The following AMD1 variants were observed in gnomAD, a reference collection of about 807,000 sequenced individuals.
AMD1 encodes the protein adenosylmethionine decarboxylase 1, also known as S-adenosylmethionine decarboxylase proenzyme.
AMD1 carries 11 observed loss-of-function variants against 40.2 expected under a neutral mutation model. The ratio of observed to expected loss-of-function variants is 0.27; its 90% CI spans 0.17 to 0.45. The LOEUF (loss-of-function observed/expected upper bound fraction) is 0.45. Among genes scored for constraint, AMD1 ranks in the 20% least tolerant of loss-of-function variants. The probability of loss-of-function intolerance (pLI) is 1.00; values close to 1 mark genes in which losing one functional copy is unlikely to be tolerated. For synonymous variants in AMD1, 121 were observed against 130.8 expected, an observed-to-expected ratio of 0.93 and a Z score of 0.51; for missense variants, 257 against 410.2, an observed-to-expected ratio of 0.63 and a Z score of 3.23.
At chr6:110,852,300 C>T in the AMD1 span, among the ~76,000 whole-genome samples, 1 of 143,250 alleles carries the variant, frequency 7.0e-6, no homozygotes, top group Non-Finnish European at 1.5e-5. Flanking sequence ...TGGCTCACTG[C>T]AACCTCTGCC....
chr6:110,835,526 T>C, the AMD1 span, among the ~76,000 whole-genome samples: 1 of 152,132 alleles, frequency 6.6e-6, no homozygotes, highest in Non-Finnish European at 1.5e-5. Context: ...AAATATTGTG[T>C]TTCACTGAGT....
the AMD1 span, chr6:110,864,545 T>C: frequency 6.6e-6 from 1 of 152,288 alleles, no homozygotes; most frequent in Non-Finnish European, 1.5e-5. Context: ...AACTCAGTAA[T>C]TGAATTTGTA....
At chr6:110,858,318 AC>A in the AMD1 span, 964 of 744,156 alleles carry the variant, frequency 1.3e-3, no homozygotes, top group African/African-American at 3.4e-3. Flanking sequence ...TGCAAATATG[AC>A]CCCCAGAAGG....
At chr6:110,878,899 C>G (rs1003348213) in intron 1 of AMD1, among the ~76,000 whole-genome samples, 1 of 152,164 alleles carries the variant, frequency 6.6e-6, no homozygotes, top group Non-Finnish European at 1.5e-5. Context: ...TTTCCCCAAA[C>G]TCATGACTTA....
At chr6:110,891,339 TGAA>T (rs1249399051) in intron 4 of AMD1, 1 of 152,252 alleles carries the variant, frequency 6.6e-6, no homozygotes, top group African/African-American at 2.4e-5. Flanking sequence ...TTTGACAATA[TGAA>T]GAAGGATATG....
At chr6:110,851,674 C>T in the AMD1 span, among the ~76,000 whole-genome samples, 10 of 152,168 alleles carry the variant, frequency 6.6e-5, no homozygotes, top group African/African-American at 2.4e-4. Context: ...GTTGGTCAGG[C>T]TGGTCTCAAA....
chr6:110,884,209 T>G (rs1785565050), intron 1 of AMD1, among the ~76,000 whole-genome samples: 1 of 152,210 alleles, frequency 6.6e-6, no homozygotes, highest in Admixed American at 6.5e-5. Flanking sequence ...CTAGAAACAT[T>G]GAGTAAAAAC....
the AMD1 span, among the ~76,000 whole-genome samples, chr6:110,833,028 C>T: frequency 6.6e-6 from 1 of 152,152 alleles, no homozygotes; most frequent in East Asian, 1.9e-4. Context: ...GCCATGTTGG[C>T]CAGGCTGGTC....
the AMD1 span, among the ~76,000 whole-genome samples, chr6:110,863,166 C>T: frequency 1.3e-4 from 20 of 151,100 alleles, no homozygotes; most frequent in African/African-American, 4.9e-4. Context: ...AGGATGATCT[C>T]GATCTCCTGA....
the AMD1 span, among the ~76,000 whole-genome samples, chr6:110,842,776 A>G: frequency 6.6e-6 from 1 of 152,128 alleles, no homozygotes; most frequent in Admixed American, 6.6e-5. Flanking sequence ...TCCTCTCTGG[A>G]AGAACACCCT....
At chr6:110,836,069 T>C in the AMD1 span, among the ~76,000 whole-genome samples, 1 of 148,234 alleles carries the variant, frequency 6.7e-6, no homozygotes, top group African/African-American at 2.5e-5. Context: ...TCATTAAAGA[T>C]TGGGAAATTG....
At chr6:110,889,450 T>A (rs937033888) in intron 3 of AMD1, 1 of 152,556 alleles carries the variant, frequency 6.6e-6, no homozygotes, top group Admixed American at 6.5e-5. Context: ...TTATTTATTT[T>A]TTATTTTTTT....
At chr6:110,833,490 G>GAGAAAGAATTGC in the AMD1 span, among the ~76,000 whole-genome samples, 1 of 152,218 alleles carries the variant, frequency 6.6e-6, no homozygotes, top group Non-Finnish European at 1.5e-5. Flanking sequence ...AGTAAGTCTG[G>GAGAAAGAATTGC]AGAAAGAATT....
chr6:110,821,721 G>A, the AMD1 span, among the ~76,000 whole-genome samples: 1 of 152,186 alleles, frequency 6.6e-6, no homozygotes, highest in Admixed American at 6.5e-5. Flanking sequence ...GCAATGGAAT[G>A]AGACCTTGTC....
the AMD1 span, among the ~76,000 whole-genome samples, chr6:110,825,161 A>C: frequency 6.6e-6 from 1 of 152,242 alleles, no homozygotes; most frequent in Middle Eastern, 3.2e-3. Context: ...TCATTGATAA[A>C]TTAGGAACAG....
chr6:110,833,073 G>A, the AMD1 span, among the ~76,000 whole-genome samples: 4 of 152,088 alleles, frequency 2.6e-5, no homozygotes, highest in East Asian at 1.9e-4. Flanking sequence ...CACCTGCCTC[G>A]TCCTCCCAAA....
At chr6:110,881,424 C>T (rs1165893193) in intron 1 of AMD1, among the ~76,000 whole-genome samples, 3 of 152,084 alleles carry the variant, frequency 2.0e-5, no homozygotes, top group Non-Finnish European at 4.4e-5. Flanking sequence ...TGAGTTAGAT[C>T]AGAGAGGTGG....
At chr6:110,838,376 G>A in the AMD1 span, among the ~76,000 whole-genome samples, 17 of 151,596 alleles carry the variant, frequency 1.1e-4, no homozygotes, top group Non-Finnish European at 2.2e-4. Flanking sequence ...GCAAGAGTGA[G>A]ACTCCATCTC....
At chr6:110,815,253 G>T in the AMD1 span, 1 of 1,180,652 alleles carries the variant, frequency 8.5e-7, no homozygotes, top group South Asian at 2.4e-5. Context: ...GCGCGCGCGC[G>T]CGCGCCGCCC....
Sources: gnomAD v4.1 joint callset for allele counts (sites outside exome capture counted in the v4.1 genomes callset) on GRCh38, gnomAD v4.1.1 for gene constraint, MANE v1.5 for transcripts, NCBI Gene and HGNC (gene_info 2026-07-23, HGNC 2026-07-21) for gene names.